Variants in MACROD2 observed in about 807,000 individuals in gnomAD.
MACROD2 encodes mono-ADP ribosylhydrolase 2, also known as ADP-ribose glycohydrolase MACROD2.
Under a neutral mutation model 70.4 loss-of-function variants are expected in MACROD2, and 36 were observed. The observed-to-expected ratio is 0.51, with a 90% CI of 0.39 to 0.68. The LOEUF is 0.68. MACROD2 is among the 30% of genes least tolerant of loss of function. The pLI is 0.00. For missense variants in MACROD2, 496 were observed against 538.4 expected, an observed-to-expected ratio of 0.92 and a Z score of 0.78; for synonymous variants, 172 against 178.8, an observed-to-expected ratio of 0.96 and a Z score of 0.30.
chr20:15,807,641 T>TTATTGTAATA (rs1292493802), intron 8 of MACROD2, among the ~76,000 whole-genome samples: 3 of 152,196 alleles, frequency 2.0e-5, no homozygotes, highest in Non-Finnish European at 4.4e-5. Context: ...TAATTTTTTA[T>TTATTGTAATA]ATTGATTGTA....
chr20:14,589,033 A>T (rs1269011098), intron 4 of MACROD2, among the ~76,000 whole-genome samples: 3 of 152,174 alleles, frequency 2.0e-5, no homozygotes, highest in African/African-American at 7.2e-5. Context: ...TCAGAAAAAA[A>T]GTGTCCTGTA....
chr20:14,935,927 A>G (rs6043008), intron 5 of MACROD2, among the ~76,000 whole-genome samples: 290 of 152,308 alleles, frequency 1.9e-3, no homozygotes, highest in African/African-American at 6.6e-3. Context: ...AATCATGTCC[A>G]TCAAACCTAT....
At chr20:14,803,242 C>G (rs1020476701) in intron 5 of MACROD2, among the ~76,000 whole-genome samples, 4 of 151,956 alleles carry the variant, frequency 2.6e-5, no homozygotes, top group African/African-American at 9.7e-5. Flanking sequence ...GCAGTGTAAG[C>G]AAAATGAATT....
At chr20:14,800,148 GT>G (rs555979251) in intron 5 of MACROD2, among the ~76,000 whole-genome samples, 3,131 of 146,542 alleles carry the variant, frequency 0.021, 56 homozygotes, top group African/African-American at 0.047. Flanking sequence ...TATGACTTCA[GT>G]TTTTTTTTTT....
intron 13 of MACROD2, among the ~76,000 whole-genome samples, chr20:15,978,598 C>G (rs1334856940): frequency 3.3e-5 from 5 of 150,810 alleles, no homozygotes; most frequent in Admixed American, 6.6e-5. Flanking sequence ...CTCTCTCTCT[C>G]TCTCTCTCTC....
intron 5 of MACROD2, among the ~76,000 whole-genome samples, chr20:14,932,519 C>T (rs550928538): frequency 2.0e-5 from 3 of 152,028 alleles, no homozygotes; most frequent in Non-Finnish European, 4.4e-5. Context: ...TCATGTATAC[C>T]CAAATTCCAA....
Position 14,279,215 on chromosome 20 carries a change from C to T in MACROD2, c.271+193487C>T, listed in dbSNP as rs967819793. ...TATAATTTCCCCTTCTAGTTTCTTA[C>T]GACAGAGAAGGAAAATAATTTCCTT... is the stretch of plus-strand genomic sequence containing the variant. On this transcript the variant is annotated intron_variant, in intron 3 of 17. Transcript: ENST00000684519. 5.3e-5 allele frequency among the ~76,000 whole-genome samples: 8 copies of T among 152,278 alleles called. No individual in the cohort carries two copies. In the East Asian group the frequency reaches 7.7e-4, roughly 15 times the overall value.
chr20:15,052,801 T>A lies in MACROD2; in HGVS notation c.419-177139T>A, dbSNP rs147563283. On this transcript the variant is annotated intron_variant, in intron 5 of 17. Coordinates refer to ENST00000684519, the MANE Select transcript of MACROD2 (RefSeq NM_001351661.2). ...GATTCGGCTTAGTGCGGAAGGCATG[T>A]TGAAAGCAGAGACAGCCAAATGCTA... Among the ~76,000 whole-genome samples the A allele has an allele frequency of 5.0e-3, 764 of 152,336 alleles. 12 individuals are homozygous for A. Among genetic ancestry groups the A allele is most frequent in the African/African-American group, 0.017 (727 of 41,580 alleles).
At chr20:14,630,215 T>C (rs1368228772) in intron 4 of MACROD2, among the ~76,000 whole-genome samples, 2 of 152,098 alleles carry the variant, frequency 1.3e-5, no homozygotes, top group Non-Finnish European at 2.9e-5. Context: ...AGGAGCAATT[T>C]TGGTGTGCTG....
At chr20:14,601,369 G>A (rs957998950) in intron 4 of MACROD2, among the ~76,000 whole-genome samples, 5 of 152,228 alleles carry the variant, frequency 3.3e-5, no homozygotes, top group South Asian at 2.1e-4. Flanking sequence ...TAATGCCACC[G>A]GGGATATGAC....
intron 5 of MACROD2, among the ~76,000 whole-genome samples, chr20:15,180,411 C>G (rs2076492356): frequency 6.6e-6 from 1 of 152,234 alleles, no homozygotes; most frequent in Non-Finnish European, 1.5e-5. Flanking sequence ...AATTGTGGTA[C>G]AAAATCTAAA....
chr20:15,542,350 C>T (rs1382050061), intron 8 of MACROD2, among the ~76,000 whole-genome samples: 1 of 152,138 alleles, frequency 6.6e-6, no homozygotes, highest in Non-Finnish European at 1.5e-5. Context: ...AAGAAGTTCA[C>T]AATAGTAGAT....
intron 8 of MACROD2, among the ~76,000 whole-genome samples, chr20:15,545,246 A>C (rs1370041258): frequency 1.3e-5 from 2 of 152,250 alleles, no homozygotes; most frequent in Admixed American, 1.3e-4. Context: ...AATAAATTGC[A>C]TGGTGTGAGA....
chr20:15,610,501 T>A (rs1263415601), intron 8 of MACROD2, among the ~76,000 whole-genome samples: 2 of 152,116 alleles, frequency 1.3e-5, no homozygotes, highest in Non-Finnish European at 2.9e-5. Flanking sequence ...GTCTGTTTCT[T>A]CTCCTTTTCT....
At chr20:15,861,389 C>T (rs2064422333) in intron 8 of MACROD2, among the ~76,000 whole-genome samples, 4 of 152,144 alleles carry the variant, frequency 2.6e-5, no homozygotes, top group Admixed American at 2.6e-4. Context: ...TTGACAATGA[C>T]AGGTTTAGCA....
chr20:14,287,702 T>A (rs530559972), intron 3 of MACROD2, among the ~76,000 whole-genome samples: 1 of 152,312 alleles, frequency 6.6e-6, no homozygotes, highest in South Asian at 2.1e-4. Flanking sequence ...CAGGGCTAGA[T>A]TCTCATTTAC....
rs551787134 is a variant in MACROD2, at chr20:14,814,390, T to A, written c.418+129431T>A. Among the ~76,000 whole-genome samples, 6 of 152,202 alleles carry A rather than the reference T, an allele frequency of 3.9e-5. No homozygotes were observed. In the South Asian group the frequency reaches 6.2e-4, roughly 16 times the overall value. On this transcript the variant is annotated intron_variant, in intron 5 of 17. Transcript: ENST00000684519. ...CAACAGTAAATGCTTACAGTTTTTT[T>A]AAAAAATAAAATTGATGTTATAACT... is the stretch of plus-strand genomic sequence containing the variant.
At chr20:15,042,164 T>A (rs528683239) in intron 5 of MACROD2, among the ~76,000 whole-genome samples, 9 of 152,130 alleles carry the variant, frequency 5.9e-5, no homozygotes, top group African/African-American at 2.2e-4. Context: ...CTATGACAAA[T>A]AGAAAGTGAA....
chr20:14,509,912 T>C (rs1168691286), intron 4 of MACROD2, among the ~76,000 whole-genome samples: 1 of 152,034 alleles, frequency 6.6e-6, no homozygotes, highest in Non-Finnish European at 1.5e-5. Context: ...TACAGTGAAG[T>C]AAAGGTAACA....
Sources: gnomAD v4.1 joint callset for allele counts (sites outside exome capture counted in the v4.1 genomes callset) on GRCh38, gnomAD v4.1.1 for gene constraint, MANE v1.5 for transcripts, NCBI Gene and HGNC (gene_info 2026-07-23, HGNC 2026-07-21) for gene names.